The following TNFSF4 variants were observed in gnomAD, a reference collection of about 807,000 sequenced individuals.
TNFSF4 encodes TNF superfamily member 4.
A neutral mutation model predicts 7.3 loss-of-function variants in TNFSF4; 4 were observed. That is an observed-to-expected ratio of 0.55 (90% CI 0.27 to 1.25). The LOEUF (loss-of-function observed/expected upper bound fraction) is 1.25. Among genes scored for constraint, TNFSF4 ranks in the 50% most tolerant of loss-of-function variants. The pLI is 0.12. For missense variants in TNFSF4, 181 were observed against 208.8 expected (o/e 0.87, Z 0.82); for synonymous variants, 76 against 83.7 (o/e 0.91, Z 0.50).
the TNFSF4 span, among the ~76,000 whole-genome samples, chr1:173,382,345 G>A: frequency 1.3e-5 from 2 of 152,078 alleles, no homozygotes; most frequent in Non-Finnish European, 2.9e-5. Context: ...AACACAGTCC[G>A]GACACACCAT....
chr1:173,230,576 G>C, the TNFSF4 span, among the ~76,000 whole-genome samples: 1 of 152,056 alleles, frequency 6.6e-6, no homozygotes, highest in African/African-American at 2.4e-5. Context: ...AAATAACTAA[G>C]ATCAGAGCAG....
the TNFSF4 span, among the ~76,000 whole-genome samples, chr1:173,347,073 T>G: frequency 1.3e-5 from 2 of 152,250 alleles, no homozygotes; most frequent in East Asian, 3.8e-4. Flanking sequence ...ATAAGTTTTT[T>G]GCATACTTGT....
At chr1:173,323,753 A>C in the TNFSF4 span, among the ~76,000 whole-genome samples, 2 of 152,220 alleles carry the variant, frequency 1.3e-5, no homozygotes, top group Non-Finnish European at 2.9e-5. Context: ...ACTGGAAGAA[A>C]GGGTACCAGC....
the TNFSF4 span, among the ~76,000 whole-genome samples, chr1:173,408,102 G>A: frequency 6.6e-6 from 1 of 152,168 alleles, no homozygotes; most frequent in Non-Finnish European, 1.5e-5. Context: ...ATACACTTCT[G>A]TTGTTTATAA....
chr1:173,197,164 G>T (rs1262483461), intron 1 of TNFSF4, among the ~76,000 whole-genome samples: 3 of 152,194 alleles, frequency 2.0e-5, no homozygotes. Flanking sequence ...TTATTAAAAA[G>T]TCAAGAAGCA....
chr1:173,252,225 A>T, the TNFSF4 span, among the ~76,000 whole-genome samples: 1 of 152,170 alleles, frequency 6.6e-6, no homozygotes, highest in Non-Finnish European at 1.5e-5. Flanking sequence ...AGAAAGAAAA[A>T]TAGAAAAGAA....
chr1:173,248,642 G>A, the TNFSF4 span, among the ~76,000 whole-genome samples: 1 of 152,186 alleles, frequency 6.6e-6, no homozygotes, highest in Admixed American at 6.5e-5. Context: ...ATTAATCATG[G>A]TGGGATTATA....
chr1:173,250,744 C>A, the TNFSF4 span, among the ~76,000 whole-genome samples: 4 of 152,234 alleles, frequency 2.6e-5, no homozygotes, highest in African/African-American at 7.2e-5. Context: ...CAGGCGTGAG[C>A]CACCGCGCCC....
the TNFSF4 span, among the ~76,000 whole-genome samples, chr1:173,404,003 G>A: frequency 6.6e-6 from 1 of 152,092 alleles, no homozygotes; most frequent in East Asian, 1.9e-4. Context: ...CCGGCACAAA[G>A]AGACCTGAAA....
chr1:173,359,650 T>A, the TNFSF4 span, among the ~76,000 whole-genome samples: 1 of 152,182 alleles, frequency 6.6e-6, no homozygotes. Context: ...TTCCTTCATG[T>A]TTCCTTCTCA....
At chr1:173,386,128 G>C in the TNFSF4 span, among the ~76,000 whole-genome samples, 3 of 152,198 alleles carry the variant, frequency 2.0e-5, no homozygotes, top group African/African-American at 7.2e-5. Context: ...CGTGAAGGCA[G>C]AACAGTGGCA....
the TNFSF4 span, among the ~76,000 whole-genome samples, chr1:173,341,321 G>A: frequency 4.5e-4 from 68 of 152,114 alleles, no homozygotes; most frequent in Non-Finnish European, 1.2e-4. Context: ...ATGAGCCAAC[G>A]AGCTATGAAA....
At chr1:173,194,743 A>C (rs895792710) in intron 1 of TNFSF4, among the ~76,000 whole-genome samples, 1 of 151,916 alleles carries the variant, frequency 6.6e-6, no homozygotes, top group Non-Finnish European at 1.5e-5. Flanking sequence ...AATAATAAAA[A>C]AAATAGCTGG....
chr1:173,348,174 C>G, the TNFSF4 span, among the ~76,000 whole-genome samples: 13 of 152,302 alleles, frequency 8.5e-5, no homozygotes, highest in East Asian at 2.3e-3. Context: ...TTATAGCTCC[C>G]ATAATTCCCT....
the TNFSF4 span, among the ~76,000 whole-genome samples, chr1:173,446,377 C>T: frequency 4.3e-3 from 660 of 152,270 alleles, 6 homozygotes; most frequent in African/African-American, 0.015. Flanking sequence ...ACACAAAAAC[C>T]TGCACATGGA....
At chr1:173,394,658 C>G in the TNFSF4 span, among the ~76,000 whole-genome samples, 2 of 152,140 alleles carry the variant, frequency 1.3e-5, no homozygotes, top group Non-Finnish European at 2.9e-5. Flanking sequence ...TGCCTGACTG[C>G]TTGAGCTAGA....
the TNFSF4 span, among the ~76,000 whole-genome samples, chr1:173,333,144 T>G: frequency 5.9e-5 from 9 of 152,196 alleles, no homozygotes; most frequent in South Asian, 1.9e-3. Flanking sequence ...CTAGGATAGG[T>G]GTAGTTAACT....
At position 173,190,048 on chromosome 1, in the gene TNFSF4, T is replaced by TAA. The variant is rs11389771; in HGVS notation, c.154-1481_154-1480dup. ...AACATGGTGAAACCCCATCTCTGCT[T>TAA]AAAAAAAAAAAAAAAAAATTATCCA... On this transcript the variant is annotated intron_variant, in intron 1 of 2. Coordinates refer to ENST00000281834, the MANE Select transcript of TNFSF4 (RefSeq NM_003326.5). 4.4e-3 allele frequency among the ~76,000 whole-genome samples: 568 copies of TAA among 128,352 alleles called. 5 individuals are homozygous for TAA. Among genetic ancestry groups the TAA allele is most frequent in the South Asian group, 0.023 (88 of 3,838 alleles). The allele number at this position is 128,352 out of a possible 152,430, so 84.2% of individuals were successfully genotyped here. A position where few individuals can be genotyped will look rare whatever the true frequency, so the allele number is the denominator to read the frequency against.
the TNFSF4 span, among the ~76,000 whole-genome samples, chr1:173,342,560 TCAAA>T: frequency 6.6e-6 from 1 of 152,196 alleles, no homozygotes; most frequent in African/African-American, 2.4e-5. Flanking sequence ...TATCCGTTTC[TCAAA>T]CACTTTATTC....
Sources: allele counts gnomAD v4.1 joint callset (sites outside exome capture counted in the v4.1 genomes callset), GRCh38; gene constraint gnomAD v4.1.1; transcripts MANE v1.5; gene names NCBI Gene and HGNC (gene_info 2026-07-23, HGNC 2026-07-21).